ACAP2: variants seen among roughly 807,000 people sequenced by gnomAD.
ACAP2 encodes arf-GAP with coiled-coil, ANK repeat and PH domain-containing protein 2.
Under a neutral mutation model 115.8 loss-of-function variants are expected in ACAP2, and 39 were observed. That is an observed-to-expected ratio of 0.34 (90% CI 0.26 to 0.44). The LOEUF (loss-of-function observed/expected upper bound fraction) is 0.44. Ranked by LOEUF, ACAP2 falls within the 20% of genes least tolerant of loss-of-function variation. ACAP2 has a pLI of 1.00. For synonymous variants in ACAP2, 289 were observed against 315.8 expected (o/e 0.92, Z 0.90); for missense variants, 662 against 927.6 (o/e 0.71, Z 3.72).
chr3:195,372,736 C>T (rs1300636406), intron 4 of ACAP2, among the ~76,000 whole-genome samples: 1 of 151,972 alleles, frequency 6.6e-6, no homozygotes, highest in African/African-American at 2.4e-5. Flanking sequence ...ATCACTTGAG[C>T]CCAGGAGATA....
intron 16 of ACAP2, among the ~76,000 whole-genome samples, chr3:195,296,119 A>G (rs914878739): frequency 2.0e-5 from 3 of 152,090 alleles, no homozygotes; most frequent in Non-Finnish European, 4.4e-5. Flanking sequence ...TAACTGAAAA[A>G]TCACTAGTAT....
intron 1 of ACAP2, among the ~76,000 whole-genome samples, chr3:195,430,518 A>G (rs571511676): frequency 2.6e-5 from 4 of 152,266 alleles, no homozygotes; most frequent in South Asian, 4.1e-4. Context: ...GTTCGAGACC[A>G]TACCTGGCCA....
At chr3:195,432,236 T>TA (rs779514501) in intron 1 of ACAP2, among the ~76,000 whole-genome samples, 13 of 152,354 alleles carry the variant, frequency 8.5e-5, no homozygotes, top group East Asian at 3.9e-4. Context: ...CCTTGTACTT[T>TA]AAATTTCATA....
At chr3:195,375,206 A>G (rs532667288) in intron 4 of ACAP2, among the ~76,000 whole-genome samples, 83 of 152,182 alleles carry the variant, frequency 5.5e-4, no homozygotes, top group Admixed American at 2.2e-3. Flanking sequence ...TAAAAAATAA[A>G]TAAATAAAAA....
chr3:195,323,283 C>G (rs758653760), intron 9 of ACAP2, among the ~76,000 whole-genome samples: 8 of 152,102 alleles, frequency 5.3e-5, no homozygotes, highest in Admixed American at 1.3e-4. Context: ...AAAAAACCAT[C>G]ATTATTGGTA....
chr3:195,431,406 C>T (rs573464411), intron 1 of ACAP2, among the ~76,000 whole-genome samples: 27 of 152,026 alleles, frequency 1.8e-4, no homozygotes, highest in African/African-American at 5.8e-4. Context: ...TGGAATGGCT[C>T]GCTAGAACTC....
chr3:195,429,627 G>A (rs1161781341), intron 1 of ACAP2, among the ~76,000 whole-genome samples: 1 of 152,142 alleles, frequency 6.6e-6, no homozygotes, highest in Non-Finnish European at 1.5e-5. Flanking sequence ...CGTGACAGAG[G>A]TGTAGGTGAC....
chr3:195,414,074 A>C (rs1018825437), intron 1 of ACAP2, among the ~76,000 whole-genome samples: 1 of 152,176 alleles, frequency 6.6e-6, no homozygotes, highest in Non-Finnish European at 1.5e-5. Flanking sequence ...ACTCCACATA[A>C]TATGTCGTTA....
chr3:195,425,273 T>C (rs2108844692), intron 1 of ACAP2, among the ~76,000 whole-genome samples: 1 of 152,276 alleles, frequency 6.6e-6, no homozygotes, highest in East Asian at 1.9e-4. Context: ...TGGACTGACT[T>C]AGTTACTACA....
intron 1 of ACAP2, among the ~76,000 whole-genome samples, chr3:195,399,141 T>C (rs934673567): frequency 2.0e-5 from 3 of 152,164 alleles, no homozygotes; most frequent in African/African-American, 7.2e-5. Context: ...TGCTTTTGCT[T>C]TCAAAAGAGT....
intron 4 of ACAP2, among the ~76,000 whole-genome samples, chr3:195,369,038 C>T (rs911592274): frequency 4.6e-5 from 7 of 150,850 alleles, no homozygotes; most frequent in African/African-American, 1.2e-4. Context: ...GAGCTGAGAT[C>T]GTGCCACTGC....
At chr3:195,373,063 A>G (rs1577374815) in intron 4 of ACAP2, among the ~76,000 whole-genome samples, 1 of 150,694 alleles carries the variant, frequency 6.6e-6, no homozygotes, top group South Asian at 2.1e-4. Flanking sequence ...AACAAAAAAG[A>G]TATTATGGAA....
At chr3:195,342,837 T>C (rs775276524) in intron 5 of ACAP2, 183 bp from the exon 6 acceptor site, 53 of 430,596 alleles carry the variant, frequency 1.2e-4, no homozygotes, top group Middle Eastern at 6.3e-4. Context: ...CTACTAAAAA[T>C]ACAAAAAAAT....
chr3:195,293,040 G>C lies in ACAP2; in HGVS notation c.1766-588C>G, dbSNP rs995894777. 2.0e-5 allele frequency among the ~76,000 whole-genome samples: 3 copies of C among 151,944 alleles called. No homozygotes were observed. The South Asian group carries it at 6.2e-4, about 32-fold the overall frequency. On this transcript the variant is annotated intron_variant, in intron 18 of 22. Coordinates refer to ENST00000326793, the MANE Select transcript of ACAP2 (RefSeq NM_012287.6). The stretch of plus-strand genomic sequence containing the variant: ...AATCTATCATAATGAGCTTATGGGA[G>C]ATTTTCACATAGCTATTCCCCAACA...
intron 10 of ACAP2, among the ~76,000 whole-genome samples, chr3:195,312,705 G>T (rs189026856): frequency 4.3e-4 from 65 of 152,144 alleles, no homozygotes; most frequent in African/African-American, 1.5e-3. Context: ...TCTTCTTTGG[G>T]TAATTATAAA....
intron 4 of ACAP2, among the ~76,000 whole-genome samples, chr3:195,370,693 G>T (rs982921827): frequency 1.3e-5 from 2 of 152,170 alleles, no homozygotes; most frequent in African/African-American, 4.8e-5. Flanking sequence ...ACTCACACCT[G>T]TAATCCCAAC....
At chr3:195,285,951 TTG>T in intron 21 of ACAP2, 94 bp from the exon 22 acceptor site, 1 of 891,330 alleles carries the variant, frequency 1.1e-6, no homozygotes, top group Non-Finnish European at 1.6e-6. Flanking sequence ...ACTAATGTAA[TTG>T]TGTTTTATTT....
intron 11 of ACAP2, 52 bp downstream of exon 11, chr3:195,308,732 CAG>C: frequency 7.0e-7 from 1 of 1,422,682 alleles, no homozygotes; most frequent in Non-Finnish European, 9.8e-7. Context: ...TTTACCAAAA[CAG>C]ATAAATAACT....
In ACAP2 at chr3:195,342,557, T is replaced by C. The variant is rs1383918461; in HGVS notation, c.442A>G (p.Lys148Glu). The C allele has an allele frequency of 1.2e-6, 2 of 1,613,150 alleles. No homozygotes were observed. Among genetic ancestry groups the C allele is most frequent in the South Asian group, 1.1e-5 (1 of 90,734 alleles). The change falls in exon 6 of 23, where the codon AAA becomes GAA. Residue 148 changes from lysine (K) to glutamate (E), a missense_variant. Coordinates refer to ENST00000326793, the MANE Select transcript of ACAP2 (RefSeq NM_012287.6). ...GTGGCTTCTTCAACTTCATGTTGTT[T>C]GTTTCTTTGTACTTGGGCATTTTTT... ...LVKNAQVQRN[K>E]QHEVEEATNI...
Sources: gnomAD v4.1 joint callset for allele counts (sites outside exome capture counted in the v4.1 genomes callset) on GRCh38, gnomAD v4.1.1 for gene constraint, MANE v1.5 for transcripts, NCBI Gene and HGNC (gene_info 2026-07-23, HGNC 2026-07-21) for gene names.